The following GABRB3 variants were observed in gnomAD, a reference collection of about 807,000 sequenced individuals.
GABRB3 encodes the protein gamma-aminobutyric acid receptor subunit beta-3.
A neutral mutation model predicts 52.1 loss-of-function variants in GABRB3; 14 were observed. That is an observed-to-expected ratio of 0.27 (90% CI 0.18 to 0.42). GABRB3 has a LOEUF of 0.42. Among genes scored for constraint, GABRB3 ranks in the 10% least tolerant of loss-of-function variants. GABRB3 has a pLI of 1.00. For missense variants in GABRB3, 307 were observed against 609.1 expected, an observed-to-expected ratio of 0.50 and a Z score of 5.22; for synonymous variants, 260 against 232.3, an observed-to-expected ratio of 1.12 and a Z score of -1.08.
intron 3 of GABRB3, among the ~76,000 whole-genome samples, chr15:26,716,094 C>G (rs969678788): frequency 6.6e-6 from 1 of 152,220 alleles, no homozygotes; most frequent in Non-Finnish European, 1.5e-5. Context: ...ATGAGCTGAT[C>G]AATATCCTGA....
chr15:26,564,058 C>T (rs2140686689), intron 7 of GABRB3, among the ~76,000 whole-genome samples: 1 of 152,192 alleles, frequency 6.6e-6, no homozygotes, highest in South Asian at 2.1e-4. Context: ...GCATCTCTAA[C>T]CTAAAAATCC....
chr15:26,591,683 A>C (rs1403703889), intron 4 of GABRB3, among the ~76,000 whole-genome samples: 1 of 152,194 alleles, frequency 6.6e-6, no homozygotes, highest in South Asian at 2.1e-4. Flanking sequence ...GAGAGAAAAC[A>C]GCTTGAAAGA....
At chr15:26,712,601 CGGTGCTGAA>C (rs1261991029) in intron 3 of GABRB3, among the ~76,000 whole-genome samples, 2 of 152,046 alleles carry the variant, frequency 1.3e-5, no homozygotes, top group Non-Finnish European at 2.9e-5. Flanking sequence ...TTGATATCTG[CGGTGCTGAA>C]ACCTCCAAGT....
At chr15:26,713,362 A>T (rs1050649207) in intron 3 of GABRB3, among the ~76,000 whole-genome samples, 2 of 152,034 alleles carry the variant, frequency 1.3e-5, no homozygotes, top group Non-Finnish European at 2.9e-5. Flanking sequence ...ATGGTACCAG[A>T]GGCAGAGGAT....
intron 4 of GABRB3, among the ~76,000 whole-genome samples, chr15:26,595,802 C>T (rs1354033028): frequency 2.0e-5 from 3 of 152,164 alleles, no homozygotes; most frequent in Non-Finnish European, 4.4e-5. Context: ...AAATCCTGCC[C>T]TTAAGCAGAT....
At chr15:26,629,461 G>A (rs1439163413) in intron 3 of GABRB3, among the ~76,000 whole-genome samples, 1 of 152,216 alleles carries the variant, frequency 6.6e-6, no homozygotes, top group Non-Finnish European at 1.5e-5. Flanking sequence ...CTTGGCTGTG[G>A]CACAACCAGC....
At chr15:26,687,172 G>A (rs184324231) in intron 3 of GABRB3, among the ~76,000 whole-genome samples, 4 of 152,312 alleles carry the variant, frequency 2.6e-5, no homozygotes, top group African/African-American at 7.2e-5. Flanking sequence ...CTGTGCTCCA[G>A]GGAGCTAGAT....
Position 26,634,550 on chromosome 15 carries a change from C to T in GABRB3, c.241-13016G>A, listed in dbSNP as rs150307327. On this transcript the variant is annotated intron_variant, in intron 3 of 8. Transcript: ENST00000311550. ...ATGGCAACGGATTAGAGGATGAGTGCCTAGACTCACAAATTGCATCCCAGA... is the reference window on the plus strand; with the variant it reads ...ATGGCAACGGATTAGAGGATGAGTGTCTAGACTCACAAATTGCATCCCAGA... Among the ~76,000 whole-genome samples the T allele has an allele frequency of 3.0e-3, 457 of 152,144 alleles. 1 individual carries two copies. Among genetic ancestry groups the T allele is most frequent in the Middle Eastern group, 0.027 (8 of 294 alleles).
At chr15:26,559,160 C>T (rs1210921585) in intron 8 of GABRB3, among the ~76,000 whole-genome samples, 2 of 152,212 alleles carry the variant, frequency 1.3e-5, no homozygotes, top group Admixed American at 6.5e-5. Context: ...TGGGTGGGGA[C>T]ACAGATTCCT....
intron 3 of GABRB3, among the ~76,000 whole-genome samples, chr15:26,686,674 C>T (rs952033487): frequency 3.3e-5 from 5 of 152,210 alleles, no homozygotes; most frequent in Admixed American, 1.3e-4. Flanking sequence ...GCAGTGTTGC[C>T]TTGCCTTGCC....
chr15:26,653,788 T>G (rs1257848860), intron 3 of GABRB3, among the ~76,000 whole-genome samples: 1 of 152,196 alleles, frequency 6.6e-6, no homozygotes, highest in Non-Finnish European at 1.5e-5. Context: ...CATGTAAAGT[T>G]CTCCATACAT....
At chr15:26,755,462 T>C (rs1179073899) in intron 3 of GABRB3, among the ~76,000 whole-genome samples, 1 of 152,176 alleles carries the variant, frequency 6.6e-6, no homozygotes, top group East Asian at 1.9e-4. Flanking sequence ...TATCAGAATA[T>C]CAAATATATA....
chr15:26,556,167 C>T (rs1434498853), intron 8 of GABRB3, among the ~76,000 whole-genome samples: 3 of 152,136 alleles, frequency 2.0e-5, no homozygotes, highest in African/African-American at 4.8e-5. Context: ...ATAATTAGAA[C>T]CATTGATTTC....
chr15:26,590,406 C>T (rs1301309229), intron 4 of GABRB3: 1 of 152,150 alleles, frequency 6.6e-6, no homozygotes, highest in Non-Finnish European at 1.5e-5. Flanking sequence ...TCACAGGTAA[C>T]CATTTGGCCC....
At chr15:26,561,286 G>T in intron 7 of GABRB3, 110 bp from the exon 8 acceptor site, 1 of 1,455,608 alleles carries the variant, frequency 6.9e-7, no homozygotes, top group Non-Finnish European at 9.5e-7. Flanking sequence ...GAGATAAGGG[G>T]TTGAATACTG....
chr15:26,635,019 A>ATATATATATATT (rs1893017985), intron 3 of GABRB3, among the ~76,000 whole-genome samples: 1 of 132,450 alleles, frequency 7.6e-6, no homozygotes, highest in Non-Finnish European at 1.6e-5. Context: ...TAATATATAT[A>ATATATATATATT]TATTTAGAGA....
At chr15:26,557,709 T>C (rs1889807644) in intron 8 of GABRB3, 1 of 152,192 alleles carries the variant, frequency 6.6e-6, no homozygotes, top group East Asian at 1.9e-4. Context: ...CGATCTACAA[T>C]ACAGATTCTT....
At chr15:26,711,674 A>C (rs776731837) in intron 3 of GABRB3, among the ~76,000 whole-genome samples, 2 of 152,132 alleles carry the variant, frequency 1.3e-5, no homozygotes, top group Non-Finnish European at 2.9e-5. Flanking sequence ...AAATGTGGGG[A>C]ACCAACCTGA....
At chr15:26,772,598 G>C in intron 2 of GABRB3, 83 bp downstream of exon 2, 1 of 1,430,024 alleles carries the variant, frequency 7.0e-7, no homozygotes, top group Non-Finnish European at 9.4e-7. Flanking sequence ...GCTGCTCCGC[G>C]GATGCGGCCC....
Sources: allele counts gnomAD v4.1 joint callset (sites outside exome capture counted in the v4.1 genomes callset), GRCh38; gene constraint gnomAD v4.1.1; transcripts MANE v1.5; gene names NCBI Gene and HGNC (gene_info 2026-07-23, HGNC 2026-07-21).